Variants in RXRA observed in about 807,000 individuals in gnomAD.
The protein encoded by RXRA is retinoid X receptor alpha.
In RXRA, 5 loss-of-function variants were observed where a neutral mutation model predicts 44.5. That is an observed-to-expected ratio of 0.11 (90% CI 0.06 to 0.24). The LOEUF (loss-of-function observed/expected upper bound fraction) is 0.24, where lower values mean the gene tolerates loss of function less well. Ranked by LOEUF, RXRA falls within the 10% of genes least tolerant of loss-of-function variation. The pLI is 1.00. For synonymous variants in RXRA, 291 were observed against 271.4 expected (o/e 1.07, Z -0.71); for missense variants, 412 against 646.5 (o/e 0.64, Z 3.93).
At chr9:134,328,508 AGCTCTCCCGACCGGCCCATG>A (rs1834951146) in intron 1 of RXRA, among the ~76,000 whole-genome samples, 1 of 152,104 alleles carries the variant, frequency 6.6e-6, no homozygotes, top group South Asian at 2.1e-4. Flanking sequence ...CTCGAGCAGC[AGCTCTCCCGACCGGCCCATG>A]GCCTCCCAGG....
At chr9:134,435,232 G>T (rs1831598680) in intron 9 of RXRA, among the ~76,000 whole-genome samples, 1 of 152,238 alleles carries the variant, frequency 6.6e-6, no homozygotes, top group Admixed American at 6.5e-5. Context: ...GGGGCCGTGT[G>T]GAGAGACTCA....
At chr9:134,383,009 A>G (rs867913711) in intron 1 of RXRA, among the ~76,000 whole-genome samples, 5 of 152,288 alleles carry the variant, frequency 3.3e-5, no homozygotes, top group African/African-American at 9.6e-5. Flanking sequence ...GACTGGAGCC[A>G]CCTGGCTATG....
intron 1 of RXRA, among the ~76,000 whole-genome samples, chr9:134,370,002 G>A (rs1830471204): frequency 6.6e-6 from 1 of 152,184 alleles, no homozygotes; most frequent in Non-Finnish European, 1.5e-5. Context: ...TCGGTGCACC[G>A]AGGAAAGCAC....
intron 1 of RXRA, chr9:134,379,768 G>C: frequency 1.0e-6 from 1 of 985,258 alleles, no homozygotes; most frequent in Non-Finnish European, 1.2e-6. Context: ...TGGTCTGTAG[G>C]GACCTGGGCC....
rs2119071528 is a variant in RXRA at position 134,366,449 on chromosome 9, T to C, written c.29-35183T>C. The stretch of plus-strand genomic sequence containing the variant: ...TTACACCAGCGCATCTGCAACTCAT[T>C]ACACAGCGGTGTCGGTGGCAGAGTG... On this transcript the variant is annotated intron_variant, in intron 1 of 9. Coordinates refer to ENST00000481739, the MANE Select transcript of RXRA (RefSeq NM_002957.6). The surrounding 1 kb of genome is among the most constrained non-coding windows in gnomAD (Gnocchi z 5.9). 6.6e-6 allele frequency among the ~76,000 whole-genome samples: 1 copy of C among 152,284 alleles called. No homozygotes were observed. Among genetic ancestry groups the C allele is most frequent in the Admixed American group, 6.5e-5 (1 of 15,304 alleles).
At chr9:134,425,431 C>T in intron 6 of RXRA, 1 of 985,148 alleles carries the variant, frequency 1.0e-6, no homozygotes, top group Non-Finnish European at 1.2e-6. Context: ...CGTCCAACCT[C>T]CTTCCCACCT....
chr9:134,385,651 C>A (rs1486872131), intron 1 of RXRA, among the ~76,000 whole-genome samples: 1 of 152,220 alleles, frequency 6.6e-6, no homozygotes, highest in Non-Finnish European at 1.5e-5. Flanking sequence ...GCGGTGGTGG[C>A]CCCCGAACAA....
intron 5 of RXRA, among the ~76,000 whole-genome samples, chr9:134,421,166 A>T (rs1831323842): frequency 6.6e-6 from 1 of 152,218 alleles, no homozygotes; most frequent in Non-Finnish European, 1.5e-5. Context: ...GAAACAACAC[A>T]CATTTTATTA....
chr9:134,436,342 G>T, intron 9 of RXRA, 125 bp from the exon 10 acceptor site: 1 of 946,774 alleles, frequency 1.1e-6, no homozygotes. Context: ...GCAGATTCAG[G>T]GCTACAGACC....
At chr9:134,360,844 A>C (rs1166427346) in intron 1 of RXRA, among the ~76,000 whole-genome samples, 2 of 152,176 alleles carry the variant, frequency 1.3e-5, no homozygotes, top group African/African-American at 4.8e-5. Context: ...GCCAGTGGGT[A>C]GTGGAGAAGC....
At chr9:134,334,576 A>C (rs183072052) in intron 1 of RXRA, among the ~76,000 whole-genome samples, 2 of 152,174 alleles carry the variant, frequency 1.3e-5, no homozygotes, top group African/African-American at 4.8e-5. Flanking sequence ...AGCTCTCTAC[A>C]TGGTGGGGCT....
chr9:134,387,253 G>A (rs1256080943), intron 1 of RXRA, among the ~76,000 whole-genome samples: 8 of 152,250 alleles, frequency 5.3e-5, no homozygotes, highest in East Asian at 3.9e-4. Context: ...TGGCAAGGAC[G>A]TCTGTTAATT....
At chr9:134,415,027 C>T (rs1831211645) in intron 4 of RXRA, among the ~76,000 whole-genome samples, 1 of 152,234 alleles carries the variant, frequency 6.6e-6, no homozygotes, top group Non-Finnish European at 1.5e-5. Context: ...GCTCCCCATC[C>T]TGCCCCCACC....
chr9:134,423,794 T>C (rs1452425358), intron 6 of RXRA: 1 of 985,330 alleles, frequency 1.0e-6, no homozygotes, highest in Non-Finnish European at 1.2e-6. Context: ...AGCCCCTGGC[T>C]TTGCCAGCTG....
chr9:134,429,322 G>T, intron 7 of RXRA, 82 bp downstream of exon 7: 2 of 1,406,710 alleles, frequency 1.4e-6, no homozygotes, highest in Non-Finnish European at 2.0e-6. Flanking sequence ...CTTGGCCCCG[G>T]TGCACATCCT....
At chr9:134,385,779 G>A (rs1830711640) in intron 1 of RXRA, among the ~76,000 whole-genome samples, 1 of 152,218 alleles carries the variant, frequency 6.6e-6, no homozygotes. Context: ...TGTTGCCATC[G>A]CCCCCCAGCA....
intron 6 of RXRA, chr9:134,423,368 G>T: frequency 1.0e-6 from 1 of 985,448 alleles, no homozygotes; most frequent in Non-Finnish European, 1.2e-6. Flanking sequence ...GGGCTCCGCC[G>T]CCTCAGCCCG....
intron 1 of RXRA, among the ~76,000 whole-genome samples, chr9:134,374,851 A>T (rs1230926986): frequency 6.6e-6 from 1 of 152,180 alleles, no homozygotes; most frequent in Non-Finnish European, 1.5e-5. Flanking sequence ...CTGCCTGGCT[A>T]GTTCTTAAGG....
intron 1 of RXRA, among the ~76,000 whole-genome samples, chr9:134,386,589 C>T (rs545750961): frequency 3.3e-5 from 5 of 152,190 alleles, no homozygotes; most frequent in East Asian, 1.9e-4. Context: ...GGTCTGGTCA[C>T]GGCTGCTCCG....
Sources: allele counts gnomAD v4.1 joint callset (sites outside exome capture counted in the v4.1 genomes callset), GRCh38; gene constraint gnomAD v4.1.1; non-coding constraint Gnocchi (gnomAD v3.1); transcripts MANE v1.5; gene names NCBI Gene and HGNC (gene_info 2026-07-23, HGNC 2026-07-21).